The following EPB41L3 variants were observed in gnomAD, a reference collection of about 807,000 sequenced individuals.
EPB41L3 encodes band 4.1-like protein 3.
In EPB41L3, 57 loss-of-function variants were observed where a neutral mutation model predicts 127.1. The observed-to-expected ratio is 0.45, with a 90% CI of 0.36 to 0.56. EPB41L3 has a LOEUF of 0.56. Among genes scored for constraint, EPB41L3 ranks in the 20% least tolerant of loss-of-function variants. EPB41L3 has a pLI of 0.00. For synonymous variants in EPB41L3, 572 were observed against 549.5 expected, an observed-to-expected ratio of 1.04 and a Z score of -0.57; for missense variants, 1,273 against 1,372.2, an observed-to-expected ratio of 0.93 and a Z score of 1.14.
At chr18:5,534,058 G>A (rs1297951447) in intron 1 of EPB41L3, among the ~76,000 whole-genome samples, 1 of 152,192 alleles carries the variant, frequency 6.6e-6, no homozygotes, top group Non-Finnish European at 1.5e-5. Flanking sequence ...AGCTCCTTGG[G>A]AGTCTGAGGC....
intron 1 of EPB41L3, among the ~76,000 whole-genome samples, chr18:5,622,751 A>C (rs2094877556): frequency 1.3e-5 from 2 of 152,172 alleles, no homozygotes; most frequent in African/African-American, 4.8e-5. Context: ...CTTTGCTCCC[A>C]CAGACTCCTG....
chr18:5,590,580 A>G (rs2094476729), intron 3 of EPB41L3, among the ~76,000 whole-genome samples: 1 of 151,914 alleles, frequency 6.6e-6, no homozygotes, highest in Non-Finnish European at 1.5e-5. Flanking sequence ...ACACACACAC[A>G]CACACAAACA....
intron 3 of EPB41L3, among the ~76,000 whole-genome samples, chr18:5,585,747 C>G (rs1425522548): frequency 6.6e-6 from 1 of 152,194 alleles, no homozygotes; most frequent in African/African-American, 2.4e-5. Flanking sequence ...CTGCATCACT[C>G]AGGCTCTCTG....
intron 1 of EPB41L3, among the ~76,000 whole-genome samples, chr18:5,624,518 C>A (rs1599392931): frequency 1.3e-5 from 2 of 152,290 alleles, no homozygotes; most frequent in East Asian, 3.9e-4. Context: ...TGAAATTAGG[C>A]CAATGTGGGT....
chr18:5,596,323 A>G (rs958125666), intron 3 of EPB41L3, among the ~76,000 whole-genome samples: 3 of 152,212 alleles, frequency 2.0e-5, no homozygotes, highest in Non-Finnish European at 4.4e-5. Context: ...AGTCCCAGGT[A>G]AGGCTGACGT....
intron 3 of EPB41L3, among the ~76,000 whole-genome samples, chr18:5,561,118 C>T (rs9956384): frequency 0.036 from 5,274 of 147,624 alleles, 435 homozygotes; most frequent in African/African-American, 0.13. Context: ...GCTGGGACTA[C>T]AGGCGCCCGC....
intron 1 of EPB41L3, among the ~76,000 whole-genome samples, chr18:5,617,220 T>TTA (rs540684304): frequency 1.1e-3 from 166 of 152,260 alleles, no homozygotes; most frequent in African/African-American, 4.0e-3. Flanking sequence ...TCTCATAGTG[T>TTA]AACAGTACCT....
At chr18:5,488,049 G>A (rs1164938950) in intron 2 of EPB41L3, among the ~76,000 whole-genome samples, 5 of 152,048 alleles carry the variant, frequency 3.3e-5, no homozygotes, top group African/African-American at 9.7e-5. Context: ...GAAGTTTTAA[G>A]ACAAAAGACA....
At chr18:5,540,381 G>T (rs2093685865) in intron 1 of EPB41L3, 1 of 985,274 alleles carries the variant, frequency 1.0e-6, no homozygotes, top group South Asian at 4.7e-5. Context: ...CTCATTGATT[G>T]ATCAGGCAAA....
At chr18:5,579,942 A>T (rs1216863872) in intron 3 of EPB41L3, among the ~76,000 whole-genome samples, 1 of 152,208 alleles carries the variant, frequency 6.6e-6, no homozygotes, top group African/African-American at 2.4e-5. Flanking sequence ...CCAGAGTTTT[A>T]TCAACATTTT....
In EPB41L3 at chr18:5,433,966, C is replaced by T. The variant is rs1022415466; in HGVS notation, c.761G>A (p.Arg254His). Reference sequence around the variant, plus strand: ...TTCTTTAGTGTGGTTTGGTGCAAAGCGGAACTCACTAATGTAATCGCTCCC... The same window carrying T: ...TTCTTTAGTGTGGTTTGGTGCAAAGTGGAACTCACTAATGTAATCGCTCCC... ...ECGSDYISEF[R>H]FAPNHTKELE... is the part of the protein sequence containing the mutation. Residue 254 changes from arginine to histidine, a missense_variant, in exon 7 of 23, where the codon CGC (arginine) becomes CAC (histidine). This residue lies in a region of EPB41L3 where 326 missense variants were observed against 440.2 expected (regional missense o/e 0.74). Transcript: ENST00000341928. 13 of 1,614,126 alleles carry T rather than the reference C, an allele frequency of 8.1e-6. No homozygotes were observed. Among genetic ancestry groups the T allele is most frequent in the East Asian group, 4.5e-5 (2 of 44,868 alleles).
chr18:5,567,064 C>A (rs886630511), intron 3 of EPB41L3: 1 of 152,226 alleles, frequency 6.6e-6, no homozygotes. Flanking sequence ...CCTTGGCCCC[C>A]AAAAGTGCTG....
intron 12 of EPB41L3, among the ~76,000 whole-genome samples, chr18:5,417,414 T>C (rs762979292): frequency 6.6e-6 from 1 of 152,046 alleles, no homozygotes; most frequent in African/African-American, 2.4e-5. Flanking sequence ...GAGGGGTTGC[T>C]GGACAAGAAG....
upstream of EPB41L3, chr18:5,544,021 C>G (rs960400150): frequency 1.0e-6 from 1 of 985,498 alleles, no homozygotes; most frequent in Admixed American, 6.1e-5. Context: ...AAGCCGCAGC[C>G]CAGGGCTGCT....
chr18:5,416,073 T>G lies in EPB41L3; in HGVS notation c.1812A>C (p.Gly604=). The change falls in exon 13 of 23, where the codon GGA becomes GGC. Residue 604 remains glycine, a synonymous_variant. Coordinates refer to ENST00000341928, the MANE Select transcript of EPB41L3 (RefSeq NM_012307.5). ...CAGAAAGGTTGGGGAAAGAGAGGTA[T>G]CCATCATCATCTAGGAGGGAGGGGA... ...ESFPSLLDDD[G]YLSFPNLSET... 6.2e-7 allele frequency: 1 copy of G among 1,612,936 alleles called. No individual in the cohort carries two copies. The highest frequency in any genetic ancestry group is 1.3e-5 in the African/African-American group (1 of 74,968).
At chr18:5,575,059 A>G (rs2149266679) in intron 3 of EPB41L3, among the ~76,000 whole-genome samples, 1 of 152,220 alleles carries the variant, frequency 6.6e-6, no homozygotes, top group Non-Finnish European at 1.5e-5. Context: ...TGTGCCCACT[A>G]CTAACTAGGG....
chr18:5,425,498 G>T (rs922494108), intron 9 of EPB41L3, among the ~76,000 whole-genome samples: 2 of 152,172 alleles, frequency 1.3e-5, no homozygotes, highest in South Asian at 2.1e-4. Context: ...AATGCCAGGG[G>T]TTATATGGAA....
intron 1 of EPB41L3, among the ~76,000 whole-genome samples, chr18:5,626,987 A>C (rs1424092361): frequency 2.6e-5 from 4 of 152,170 alleles, no homozygotes; most frequent in Non-Finnish European, 5.9e-5. Flanking sequence ...GGGTGTGTAG[A>C]AGAGAGAGAA....
chr18:5,561,005 T>C lies in EPB41L3; in HGVS notation c.-306+51335A>G, dbSNP rs950933757. Among the ~76,000 whole-genome samples, 54 of 129,480 alleles carry C rather than the reference T, an allele frequency of 4.2e-4. 4 individuals are homozygous for C. Among genetic ancestry groups the C allele is most frequent in the Admixed American group, 1.1e-3 (14 of 13,014 alleles). The allele number at this position is 129,480 out of a possible 152,430, so 84.9% of individuals were successfully genotyped here. ...TTTATTTATTTATTTTGAGATGGAG[T>C]CTCGCTCTGTCGCCCAGGCTGGAGT... is the stretch of plus-strand genomic sequence containing the variant. On this transcript the variant is annotated intron_variant, in intron 3 of 21. Transcript: ENST00000545076.
Sources: allele counts gnomAD v4.1 joint callset (sites outside exome capture counted in the v4.1 genomes callset), GRCh38; gene constraint gnomAD v4.1.1; regional missense constraint gnomAD v4.1.1; transcripts MANE v1.5; gene names NCBI Gene and HGNC (gene_info 2026-07-23, HGNC 2026-07-21).